The following SPOCK1 variants were observed in gnomAD, a reference collection of about 807,000 sequenced individuals.
SPOCK1 encodes the protein testican-1.
In SPOCK1, 23 loss-of-function variants were observed where a neutral mutation model predicts 55.3. The observed-to-expected ratio is 0.42, with a 90% CI of 0.30 to 0.59. The LOEUF is 0.59. Among genes scored for constraint, SPOCK1 ranks in the 20% least tolerant of loss-of-function variants. The pLI, the probability that SPOCK1 is intolerant of heterozygous loss-of-function variation, is 0.22. For missense variants in SPOCK1, 499 were observed against 552.5 expected, an observed-to-expected ratio of 0.90 and a Z score of 0.97; for synonymous variants, 226 against 221.0, an observed-to-expected ratio of 1.02 and a Z score of -0.20.
At chr5:137,353,099 G>A (rs1750717101) in intron 2 of SPOCK1, among the ~76,000 whole-genome samples, 1 of 152,190 alleles carries the variant, frequency 6.6e-6, no homozygotes, top group South Asian at 2.1e-4. Context: ...TGACACAGGA[G>A]CCAGGTGTGG....
At chr5:137,478,430 A>T (rs1287799303) in intron 2 of SPOCK1, among the ~76,000 whole-genome samples, 1 of 152,200 alleles carries the variant, frequency 6.6e-6, no homozygotes, top group East Asian at 1.9e-4. Flanking sequence ...ACTGGATTTA[A>T]AGTAAAAATC....
In SPOCK1 at chr5:136,976,136, A is replaced by T. The variant is rs1750610616; in HGVS notation, c.*2518T>A. The T allele has an allele frequency of 1.3e-5, 2 of 152,238 alleles. No individual in the cohort carries two copies. The allele number at this position is 152,238 out of a possible 1,614,324, so 9.4% of individuals were successfully genotyped here. A position where few individuals can be genotyped will look rare whatever the true frequency, so the allele number is the denominator to read the frequency against. ...ACTTCTAAGGATAAGGTAACTCATT[A>T]CAATCTTTAGTACTCATGGAAAGTA... On this transcript the variant is annotated 3_prime_UTR_variant, in exon 11 of 11. Coordinates refer to ENST00000394945, the MANE Select transcript of SPOCK1 (RefSeq NM_004598.4).
chr5:137,221,841 G>A (rs1169336776), intron 3 of SPOCK1, among the ~76,000 whole-genome samples: 1 of 152,208 alleles, frequency 6.6e-6, no homozygotes, highest in Non-Finnish European at 1.5e-5. Flanking sequence ...AATGATGAAT[G>A]AATACTTCTC....
chr5:137,343,339 G>C (rs1750480746), intron 2 of SPOCK1, among the ~76,000 whole-genome samples: 1 of 152,138 alleles, frequency 6.6e-6, no homozygotes. Flanking sequence ...GGCTCACCCA[G>C]AGCAGAAGAG....
intron 2 of SPOCK1, among the ~76,000 whole-genome samples, chr5:137,291,681 G>A (rs999737352): frequency 1.1e-4 from 17 of 152,350 alleles, no homozygotes; most frequent in Admixed American, 1.1e-3. Context: ...GCAAATGAAA[G>A]CTGATGGGAG....
rs542492642 is a variant in SPOCK1, at chr5:137,418,942, T to G, written c.186+79431A>C. 3.3e-5 allele frequency among the ~76,000 whole-genome samples: 5 copies of G among 152,338 alleles called. No homozygotes were observed. The East Asian group carries it at 5.8e-4, about 18-fold the overall frequency. On this transcript the variant is annotated intron_variant, in intron 2 of 10. Transcript: ENST00000394945. Reference sequence around the variant, plus strand: ...GGTTTTTATGGTTTTAGGTCTGACATTTAAGTCTTTAATCCATCTTGAATT... The same window carrying G: ...GGTTTTTATGGTTTTAGGTCTGACAGTTAAGTCTTTAATCCATCTTGAATT...
At chr5:137,201,533 C>T (rs1561470059) in intron 3 of SPOCK1, among the ~76,000 whole-genome samples, 2 of 152,208 alleles carry the variant, frequency 1.3e-5, no homozygotes, top group African/African-American at 2.4e-5. Flanking sequence ...TTTTAATATT[C>T]TCAATGCTAA....
chr5:137,326,638 G>A (rs1055271673), intron 2 of SPOCK1, among the ~76,000 whole-genome samples: 6 of 152,164 alleles, frequency 3.9e-5, no homozygotes, highest in African/African-American at 1.4e-4. Flanking sequence ...GAATAATTAA[G>A]GCCCTATTAA....
chr5:137,495,044 T>C (rs891583216), intron 2 of SPOCK1, among the ~76,000 whole-genome samples: 2 of 152,218 alleles, frequency 1.3e-5, no homozygotes, highest in Non-Finnish European at 2.9e-5. Context: ...CAGGCCTCCA[T>C]CTGGCCAAAA....
At chr5:137,458,573 T>C (rs934169812) in intron 2 of SPOCK1, among the ~76,000 whole-genome samples, 2 of 152,222 alleles carry the variant, frequency 1.3e-5, no homozygotes, top group African/African-American at 4.8e-5. Flanking sequence ...TAAAAACTCA[T>C]GTGCTACTAA....
chr5:137,097,718 C>T (rs17170958), intron 5 of SPOCK1, among the ~76,000 whole-genome samples: 1 of 152,200 alleles, frequency 6.6e-6, no homozygotes, highest in Non-Finnish European at 1.5e-5. Flanking sequence ...TAACCCGAAC[C>T]TGCTGTGGCC....
chr5:137,448,470 C>T lies in SPOCK1; in HGVS notation c.186+49903G>A, dbSNP rs542085349. 4.6e-5 allele frequency among the ~76,000 whole-genome samples: 7 copies of T among 152,088 alleles called. No individual in the cohort carries two copies. In the South Asian group the frequency reaches 1.5e-3, roughly 32 times the overall value. Reference sequence around the variant, plus strand: ...ACAGAATTCTACTGTGAAGTGCAACCCCAGAGATCCCCAAACACCTACAGA... The same window carrying T: ...ACAGAATTCTACTGTGAAGTGCAACTCCAGAGATCCCCAAACACCTACAGA... On this transcript the variant is annotated intron_variant, in intron 2 of 10. Coordinates refer to ENST00000394945, the MANE Select transcript of SPOCK1 (RefSeq NM_004598.4).
rs954674943 is a variant in SPOCK1 at position 137,114,880 on chromosome 5, A to G, written c.348-2319T>C. ...CCCAGAAAGGGGCTATAAAGTCCAA[A>G]GAGTGGGCAGCTTTGCTGGAGCAGA... On this transcript the variant is annotated intron_variant, in intron 4 of 10. Transcript: ENST00000394945. Among the ~76,000 whole-genome samples the G allele has an allele frequency of 2.0e-5, 3 of 152,374 alleles. No individual in the cohort carries two copies. In the East Asian group the frequency reaches 5.8e-4, roughly 29 times the overall value.
At chr5:137,037,663 T>A (rs930023512) in intron 6 of SPOCK1, among the ~76,000 whole-genome samples, 2 of 152,138 alleles carry the variant, frequency 1.3e-5, no homozygotes, top group African/African-American at 2.4e-5. Context: ...ACTTGCAGAT[T>A]TCTCTGGGGT....
intron 2 of SPOCK1, among the ~76,000 whole-genome samples, chr5:137,294,995 T>C (rs1757450894): frequency 6.6e-6 from 1 of 152,180 alleles, no homozygotes; most frequent in Admixed American, 6.5e-5. Context: ...CCCTTCTCCC[T>C]TTATTTTTCT....
intron 2 of SPOCK1, among the ~76,000 whole-genome samples, chr5:137,309,206 A>C (rs1433128527): frequency 6.6e-6 from 1 of 152,144 alleles, no homozygotes; most frequent in Non-Finnish European, 1.5e-5. Context: ...TCTCCTCTGT[A>C]ACACTGAGAG....
At chr5:137,302,365 T>A (rs550306032) in intron 2 of SPOCK1, among the ~76,000 whole-genome samples, 13 of 150,122 alleles carry the variant, frequency 8.7e-5, no homozygotes, top group African/African-American at 3.2e-4. Context: ...GTCAGGAGAT[T>A]GAGACCATCC....
At chr5:137,111,983 G>T (rs1177293944) in intron 5 of SPOCK1, among the ~76,000 whole-genome samples, 1 of 152,082 alleles carries the variant, frequency 6.6e-6, no homozygotes, top group Non-Finnish European at 1.5e-5. Flanking sequence ...CCTGTGCAGG[G>T]CCAGATGCAT....
chr5:137,145,169 A>G (rs1754168838), intron 3 of SPOCK1, among the ~76,000 whole-genome samples: 1 of 152,234 alleles, frequency 6.6e-6, no homozygotes, highest in Non-Finnish European at 1.5e-5. Flanking sequence ...AACCTTTCTC[A>G]AGGAACAAAC....
Sources: allele counts gnomAD v4.1 joint callset (sites outside exome capture counted in the v4.1 genomes callset), GRCh38; gene constraint gnomAD v4.1.1; transcripts MANE v1.5; gene names NCBI Gene and HGNC (gene_info 2026-07-23, HGNC 2026-07-21).